KIDINS220: variants seen among roughly 807,000 people sequenced by gnomAD.
The protein encoded by KIDINS220 is kinase D interacting substrate 220, also known as kinase D-interacting substrate of 220 kDa.
KIDINS220 carries 63 observed loss-of-function variants against 157.6 expected under a neutral mutation model. The ratio of observed to expected loss-of-function variants is 0.40; its 90% CI spans 0.33 to 0.49. The LOEUF (loss-of-function observed/expected upper bound fraction) is 0.49, where lower values mean the gene tolerates loss of function less well. KIDINS220 is among the 20% of genes least tolerant of loss of function. The pLI is 0.66. For synonymous variants in KIDINS220, 732 were observed against 783.6 expected (o/e 0.93, Z 1.10); for missense variants, 1,772 against 2,171.2 (o/e 0.82, Z 3.65).
chr2:8,775,594 G>A (rs985839916), intron 21 of KIDINS220, among the ~76,000 whole-genome samples: 2 of 152,176 alleles, frequency 1.3e-5, no homozygotes, highest in Admixed American at 1.3e-4. Flanking sequence ...AGCCATTGGT[G>A]ACCTTGAAAA....
intron 7 of KIDINS220, among the ~76,000 whole-genome samples, chr2:8,805,997 T>C (rs1158460777): frequency 2.6e-5 from 4 of 152,186 alleles, no homozygotes; most frequent in African/African-American, 9.7e-5. Flanking sequence ...CATAACTCTC[T>C]ATATATCACA....
intron 26 of KIDINS220, 77 bp downstream of exon 26, chr2:8,747,068 A>T (rs1304708449): frequency 2.7e-5 from 36 of 1,325,180 alleles, no homozygotes; most frequent in Non-Finnish European, 3.6e-5. Context: ...AGCTGCTATC[A>T]TCACAATTAA....
chr2:8,792,134 A>G (rs1210772236), intron 12 of KIDINS220, among the ~76,000 whole-genome samples: 1 of 152,188 alleles, frequency 6.6e-6, no homozygotes. Context: ...AATTAAGTAG[A>G]AAAAAGTAAA....
intron 22 of KIDINS220, among the ~76,000 whole-genome samples, chr2:8,770,275 G>A (rs898900358): frequency 1.3e-5 from 2 of 152,062 alleles, no homozygotes; most frequent in Non-Finnish European, 2.9e-5. Context: ...GAGTCCTGGT[G>A]CACGCCTACA....
At chr2:8,758,904 A>C (rs1668392461) in intron 22 of KIDINS220, among the ~76,000 whole-genome samples, 1 of 152,194 alleles carries the variant, frequency 6.6e-6, no homozygotes, top group Non-Finnish European at 1.5e-5. Flanking sequence ...GAAGCTGTCC[A>C]CATGCAGAAG....
Position 8,788,824 on chromosome 2 carries a change from A to C in KIDINS220, c.1622-12T>G, listed in dbSNP as rs1672784864. ...AAAGTAAATGACAACTGAAATTCAC[A>C]GTTTAAAAAAGTTATCCAAAGCAGT... On this transcript the variant is annotated splice_polypyrimidine_tract_variant and intron_variant, in intron 14 of 29. Transcript: ENST00000256707. 6.2e-7 allele frequency: 1 copy of C among 1,611,006 alleles called. No individual in the cohort carries two copies. Among genetic ancestry groups the C allele is most frequent in the East Asian group, 2.2e-5 (1 of 44,854 alleles).
At chr2:8,835,019 T>C (rs1487446005) in intron 1 of KIDINS220, among the ~76,000 whole-genome samples, 3 of 152,158 alleles carry the variant, frequency 2.0e-5, no homozygotes, top group African/African-American at 4.8e-5. Flanking sequence ...ATTGTTTACA[T>C]TTTTAATTTT....
chr2:8,830,421 C>T (rs914262939), intron 1 of KIDINS220, among the ~76,000 whole-genome samples: 10 of 151,966 alleles, frequency 6.6e-5, no homozygotes, highest in East Asian at 5.8e-4. Context: ...CAAATCAGAT[C>T]GTTTATTTAT....
At chr2:8,738,626 G>T (rs934810720) in intron 26 of KIDINS220, among the ~76,000 whole-genome samples, 11 of 152,140 alleles carry the variant, frequency 7.2e-5, no homozygotes, top group African/African-American at 2.7e-4. Flanking sequence ...CAAATTGAGG[G>T]ACGTTCTACA....
At chr2:8,800,013 A>G in intron 9 of KIDINS220, among the ~76,000 whole-genome samples, 1 of 152,202 alleles carries the variant, frequency 6.6e-6, no homozygotes, top group Non-Finnish European at 1.5e-5. Context: ...CAGTAGAAGA[A>G]CAGCAGATGG....
At chr2:8,751,318 T>A (rs931548060) in intron 23 of KIDINS220, 148 bp downstream of exon 23, 6 of 541,714 alleles carry the variant, frequency 1.1e-5, no homozygotes, top group Non-Finnish European at 1.9e-5. Flanking sequence ...AGACTCCTAA[T>A]CTTTAATTTC....
intron 1 of KIDINS220, among the ~76,000 whole-genome samples, chr2:8,829,261 T>C (rs557572082): frequency 1.1e-4 from 16 of 152,176 alleles, no homozygotes; most frequent in Non-Finnish European, 2.1e-4. Flanking sequence ...CAATCATTCG[T>C]TTGTCAAAAT....
At chr2:8,810,318 A>C (rs1041837910) in intron 6 of KIDINS220, among the ~76,000 whole-genome samples, 1 of 152,162 alleles carries the variant, frequency 6.6e-6, no homozygotes, top group Non-Finnish European at 1.5e-5. Flanking sequence ...CTTCTGTGCT[A>C]AGTGCAGGTA....
intron 17 of KIDINS220, 90 bp downstream of exon 17, chr2:8,785,648 CATT>C: frequency 9.8e-7 from 1 of 1,021,406 alleles, no homozygotes; most frequent in Non-Finnish European, 1.5e-6. Flanking sequence ...AACACTTTAA[CATT>C]TAGAGAGTGT....
At chr2:8,749,654 G>A (rs1667040565) in intron 24 of KIDINS220, among the ~76,000 whole-genome samples, 1 of 152,092 alleles carries the variant, frequency 6.6e-6, no homozygotes, top group South Asian at 2.1e-4. Flanking sequence ...TTCCACAGCA[G>A]TACTTTCCCA....
intron 29 of KIDINS220, among the ~76,000 whole-genome samples, chr2:8,732,665 A>T (rs1325528453): frequency 1.3e-5 from 2 of 152,202 alleles, no homozygotes. Context: ...TCAAGAGCAA[A>T]GGCTAAAACA....
intron 3 of KIDINS220, 129 bp from the exon 4 acceptor site, chr2:8,817,845 A>G: frequency 3.6e-6 from 2 of 548,994 alleles, no homozygotes; most frequent in Non-Finnish European, 6.4e-6. Flanking sequence ...ATGCTAACTA[A>G]ACTACTCTAA....
rs1664029619 is a variant in KIDINS220 at position 8,731,171 on chromosome 2, T to C, written c.4865A>G (p.His1622Arg). 6.2e-7 allele frequency: 1 copy of C among 1,614,224 alleles called. No homozygotes were observed. The highest frequency in any genetic ancestry group is 2.2e-5 in the East Asian group (1 of 44,882). Residue 1622 changes from histidine (H) to arginine (R), a missense_variant, in exon 30 of 30, where the codon CAC (histidine) becomes CGC (arginine). This residue lies in a region of KIDINS220 where 793 missense variants were observed against 885.5 expected (regional missense o/e 0.90). Coordinates refer to ENST00000256707, the MANE Select transcript of KIDINS220 (RefSeq NM_020738.4). This position sits in a 1 kb window ranked among gnomAD's most constrained non-coding sequence, Gnocchi z 5.2. ...ATGTGGGATTCCCCGCTTTCCGCTG[T>C]GACTGTCATCTTCCAGCTCTATGAG... is the stretch of plus-strand genomic sequence containing the variant. The part of the protein sequence containing the change: ...ANLIELEDDS[H>R]SGKRGIPHSL...
intron 22 of KIDINS220, among the ~76,000 whole-genome samples, chr2:8,760,334 G>A: frequency 6.6e-6 from 1 of 151,984 alleles, no homozygotes; most frequent in Non-Finnish European, 1.5e-5. Flanking sequence ...ATGCAAACCA[G>A]TACACTACAC....
Sources: allele counts gnomAD v4.1 joint callset (sites outside exome capture counted in the v4.1 genomes callset), GRCh38; gene constraint gnomAD v4.1.1; regional missense constraint gnomAD v4.1.1; non-coding constraint Gnocchi (gnomAD v3.1); transcripts MANE v1.5; gene names NCBI Gene and HGNC (gene_info 2026-07-23, HGNC 2026-07-21).